TLN2: variants seen among roughly 807,000 people sequenced by gnomAD.
TLN2 encodes the protein talin 2, also known as talin-2.
TLN2 carries 118 observed loss-of-function variants against 294.7 expected under a neutral mutation model. That is an observed-to-expected ratio of 0.40 (90% CI 0.34 to 0.47). The LOEUF is 0.47. Among genes scored for constraint, TLN2 ranks in the 20% least tolerant of loss-of-function variants. TLN2 has a pLI of 0.84. For synonymous variants in TLN2, 1,431 were observed against 1,304.5 expected, an observed-to-expected ratio of 1.10 and a Z score of -2.09; for missense variants, 3,083 against 3,282.2, an observed-to-expected ratio of 0.94 and a Z score of 1.48.
intron 4 of TLN2, 150 bp from the exon 5 acceptor site, chr15:62,649,934 G>A: frequency 1.4e-6 from 1 of 709,246 alleles, no homozygotes; most frequent in Non-Finnish European, 2.4e-6. Flanking sequence ...CTCCAGCCCT[G>A]ATGGCTGCTT....
chr15:62,417,049 A>G (rs778385541), intron 1 of TLN2, among the ~76,000 whole-genome samples: 8 of 152,068 alleles, frequency 5.3e-5, no homozygotes, highest in Non-Finnish European at 1.2e-4. Flanking sequence ...CGAGTTACAG[A>G]GCAGCTTTTG....
chr15:62,526,101 C>G (rs1302792704), intron 1 of TLN2, among the ~76,000 whole-genome samples: 1 of 152,098 alleles, frequency 6.6e-6, no homozygotes, highest in East Asian at 1.9e-4. Context: ...TTAACAAACT[C>G]AATAAGCAAA....
intron 11 of TLN2, among the ~76,000 whole-genome samples, chr15:62,680,482 A>T (rs954717668): frequency 6.6e-6 from 1 of 152,172 alleles, no homozygotes; most frequent in African/African-American, 2.4e-5. Flanking sequence ...AAGCCCTTAG[A>T]GTATGTATGT....
In TLN2 at chr15:62,691,056, G is replaced by A. The variant is rs528217521; in HGVS notation, c.1114-1784G>A. On this transcript the variant is annotated intron_variant, in intron 12 of 58. Transcript: ENST00000636159. ...AGAGGGAGAGGGAGAGGGGGAGGGG[G>A]AGGGGAGGGGGAGGGGTATGGGCTT... is the stretch of plus-strand genomic sequence containing the variant. 5.6e-4 allele frequency among the ~76,000 whole-genome samples: 73 copies of A among 129,610 alleles called. 2 individuals are homozygous for A. In the South Asian group the frequency reaches 0.019, roughly 34 times the overall value. 85.0% of individuals were successfully genotyped at this position (129,610 alleles called of 152,430 possible). A position where few individuals can be genotyped will look rare whatever the true frequency, so the allele number is the denominator to read the frequency against.
At chr15:62,422,043 C>G (rs2034433030) in intron 1 of TLN2, among the ~76,000 whole-genome samples, 1 of 151,600 alleles carries the variant, frequency 6.6e-6, no homozygotes, top group Admixed American at 6.6e-5. Flanking sequence ...GGTGGATCAC[C>G]TGAGGTCTGG....
rs1323073014 is a variant in TLN2 at position 62,683,468 on chromosome 15, C to T, written c.958-3173C>T. Among the ~76,000 whole-genome samples, 31 of 106,864 alleles carry T rather than the reference C, an allele frequency of 2.9e-4. 1 individual carries two copies. In the East Asian group the frequency reaches 3.3e-3, roughly 11 times the overall value. The allele number at this position is 106,864 out of a possible 152,430, so 70.1% of individuals were successfully genotyped here. ...CATTGGTAGAATGCCTGCATTCTCC[C>T]GCCTCTCATTGGTAGAATGCCTGCA... On this transcript the variant is annotated intron_variant, in intron 11 of 58. Transcript: ENST00000636159.
chr15:62,427,641 C>T (rs960494189), intron 1 of TLN2, among the ~76,000 whole-genome samples: 15 of 152,194 alleles, frequency 9.9e-5, no homozygotes, highest in Admixed American at 2.0e-4. Flanking sequence ...GATTGCGACC[C>T]TCCTTTGCCC....
chr15:62,574,968 T>C (rs1414334779), intron 1 of TLN2, among the ~76,000 whole-genome samples: 2 of 152,068 alleles, frequency 1.3e-5, no homozygotes, highest in Non-Finnish European at 2.9e-5. Context: ...AAAATGGAGA[T>C]TCTGGTGGGT....
intron 28 of TLN2, among the ~76,000 whole-genome samples, chr15:62,727,442 C>G (rs2060500034): frequency 6.6e-6 from 1 of 152,172 alleles, no homozygotes; most frequent in Admixed American, 6.5e-5. Flanking sequence ...TTGTAGACTT[C>G]CAGGTCTATC....
At chr15:62,613,854 A>G (rs2048104664) in intron 2 of TLN2, among the ~76,000 whole-genome samples, 1 of 143,456 alleles carries the variant, frequency 7.0e-6, no homozygotes, top group African/African-American at 2.7e-5. Context: ...AGCCAGGCCA[A>G]AAAAAAAAAA....
intron 1 of TLN2, among the ~76,000 whole-genome samples, chr15:62,583,410 C>T (rs1037070793): frequency 6.6e-6 from 1 of 152,100 alleles, no homozygotes; most frequent in Non-Finnish European, 1.5e-5. Context: ...TAATAATGTA[C>T]TGAATATCAT....
Position 62,841,140 on chromosome 15 carries a change from C to T in TLN2, c.*530C>T, listed in dbSNP as rs1233913292. 1 of 152,848 alleles carries T rather than the reference C, an allele frequency of 6.5e-6. No homozygotes were observed. The allele number at this position is 152,848 out of a possible 1,614,324, so 9.5% of individuals were successfully genotyped here. A position where few individuals can be genotyped will look rare whatever the true frequency, so the allele number is the denominator to read the frequency against. On this transcript the variant is annotated 3_prime_UTR_variant, in exon 59 of 59. Coordinates refer to ENST00000636159, the MANE Select transcript of TLN2 (RefSeq NM_015059.3). ...CCTCCTTCCATGTCTTGAGCACTGG[C>T]TCACCCAGGGGGTGAAAAATTCCCG... is the stretch of plus-strand genomic sequence containing the variant.
Position 62,708,733 on chromosome 15 carries a change from G to A in TLN2, c.2404G>A (p.Asp802Asn), listed in dbSNP as rs757307260. 8 of 1,611,612 alleles carry A rather than the reference G, an allele frequency of 5.0e-6. No homozygotes were observed. Among genetic ancestry groups the A allele is most frequent in the African/African-American group, 2.7e-5 (2 of 74,938 alleles). The part of the protein sequence containing the change: ...ASRGEPIGRY[D>N]QATDTIMCVT... ...CCGAGGCGAGCCCATCGGCCGCTAC[G>A]ACCAGGCTACTGACACCATCATGTG... The change falls in exon 21 of 59, where the codon GAC becomes AAC. Residue 802 changes from aspartate (D) to asparagine (N), a missense_variant. Physicochemically the swap from Asp to Asn is conservative, Grantham distance 23 (BLOSUM62 1). Coordinates refer to ENST00000636159, the MANE Select transcript of TLN2 (RefSeq NM_015059.3).
chr15:62,797,121 TA>T, intron 47 of TLN2, 97 bp from the exon 48 acceptor site: 1 of 1,370,476 alleles, frequency 7.3e-7, no homozygotes, highest in African/African-American at 1.4e-5. Flanking sequence ...CAAAGCCCTT[TA>T]ACAAAAGCCC....
At chr15:62,784,471 G>A (rs949968074) in intron 45 of TLN2, 2 of 152,768 alleles carry the variant, frequency 1.3e-5, no homozygotes, top group East Asian at 3.9e-4. Flanking sequence ...TGTAGACTTG[G>A]CTTTAGAATG....
chr15:62,796,658 G>T (rs1329183509), intron 47 of TLN2, among the ~76,000 whole-genome samples: 1 of 152,150 alleles, frequency 6.6e-6, no homozygotes, highest in Non-Finnish European at 1.5e-5. Context: ...GGGAAGATAG[G>T]GGCTCAAAGC....
chr15:62,706,312 C>T (rs117787547), intron 19 of TLN2, among the ~76,000 whole-genome samples: 3,781 of 152,356 alleles, frequency 0.025, 78 homozygotes, highest in Middle Eastern at 0.058. Context: ...CTGGTAGGCT[C>T]AATCAAAGGA....
chr15:62,655,988 G>C lies in TLN2; in HGVS notation c.562G>C (p.Asp188His). 6.2e-7 allele frequency: 1 copy of C among 1,614,196 alleles called. No individual in the cohort carries two copies. Among genetic ancestry groups the C allele is most frequent in the Non-Finnish European group, 8.5e-7 (1 of 1,180,036 alleles). Residue 188 changes from aspartate (D) to histidine (H), a missense_variant, in exon 8 of 59, where the codon GAT (aspartate) becomes CAT (histidine). Asp to His is a moderately conservative substitution (Grantham distance 81). Coordinates refer to ENST00000636159, the MANE Select transcript of TLN2 (RefSeq NM_015059.3). ...CCGAACATTCAGAGAACAAGGAGTA[G>C]ATGAAAACGAAACGTTGCTGCTTAG... The part of the protein sequence containing the change: ...HSRTFREQGV[D>H]ENETLLLRRK...
chr15:62,821,020 A>G (rs565225278), intron 54 of TLN2, among the ~76,000 whole-genome samples: 2 of 152,346 alleles, frequency 1.3e-5, no homozygotes, highest in East Asian at 3.9e-4. Flanking sequence ...GAGAACTTCA[A>G]AAGTGCACCC....
Sources: gnomAD v4.1 joint callset for allele counts (sites outside exome capture counted in the v4.1 genomes callset) on GRCh38, gnomAD v4.1.1 for gene constraint, MANE v1.5 for transcripts, NCBI Gene and HGNC (gene_info 2026-07-23, HGNC 2026-07-21) for gene names.